Variants in MAPK8IP3 observed in about 807,000 individuals in gnomAD.
MAPK8IP3 encodes C-Jun-amino-terminal kinase-interacting protein 3.
A neutral mutation model predicts 157.8 loss-of-function variants in MAPK8IP3; 49 were observed. The observed-to-expected ratio is 0.31, with a 90% CI of 0.25 to 0.39. The LOEUF is 0.39. Ranked by LOEUF, MAPK8IP3 falls within the 10% of genes least tolerant of loss-of-function variation. MAPK8IP3 has a pLI of 1.00. For missense variants in MAPK8IP3, 1,478 were observed against 1,889.4 expected, an observed-to-expected ratio of 0.78 and a Z score of 4.04; for synonymous variants, 897 against 777.7, an observed-to-expected ratio of 1.15 and a Z score of -2.55.
rs1257646266 is a variant in MAPK8IP3 at position 1,741,652 on chromosome 16, CAG to C, written c.603-1679_603-1678del. ...GGGGCCAGGAGGCCCCTGGTGCAGA[CAG>C]GGCGGTTGAAGCCCAGCCTCCCACT... On this transcript the variant is annotated intron_variant, in intron 4 of 31. Transcript: ENST00000610761. This position sits in a 1 kb window ranked among gnomAD's most constrained non-coding sequence, Gnocchi z 6.9. 6.6e-6 allele frequency among the ~76,000 whole-genome samples: 1 copy of C among 152,102 alleles called. No homozygotes were observed. The highest frequency in any genetic ancestry group is 2.4e-5 in the African/African-American group (1 of 41,418).
At chr16:1,727,005 G>A (rs1270583078) in intron 2 of MAPK8IP3, among the ~76,000 whole-genome samples, 1 of 151,782 alleles carries the variant, frequency 6.6e-6, no homozygotes, top group Non-Finnish European at 1.5e-5. Flanking sequence ...CAGCGTCTGT[G>A]TGTCATGTGC....
At chr16:1,713,717 G>C (rs544393586) in intron 1 of MAPK8IP3, 1 of 152,222 alleles carries the variant, frequency 6.6e-6, no homozygotes, top group Non-Finnish European at 1.5e-5. Context: ...GAAACCGCTC[G>C]CACCTCAGGA....
chr16:1,737,308 CTG>C (rs748870800), intron 4 of MAPK8IP3, among the ~76,000 whole-genome samples: 18 of 75,776 alleles, frequency 2.4e-4, no homozygotes, highest in African/African-American at 7.0e-4. Flanking sequence ...ATGTGAGCAT[CTG>C]TGTGACCGTC....
chr16:1,730,843 A>AT (rs1449547068), intron 4 of MAPK8IP3, among the ~76,000 whole-genome samples: 1 of 149,260 alleles, frequency 6.7e-6, no homozygotes, highest in Non-Finnish European at 1.5e-5. Flanking sequence ...ACTCTGTCAA[A>AT]AAAAAAAAAA....
rs753952175 is a variant in MAPK8IP3 at position 1,766,073 on chromosome 16, A to C, written c.2560A>C (p.Thr854Pro). The part of the protein sequence containing the change: ...LAGITLVGCA[T>P]RCNVPRSNCS... Reference sequence around the variant, plus strand: ...CGGTATCACCCTGGTGGGCTGTGCCACCCGCTGCAACGTGCCGCGGAGCAA... The same window carrying C: ...CGGTATCACCCTGGTGGGCTGTGCCCCCCGCTGCAACGTGCCGCGGAGCAA... The change falls in exon 21 of 32, where the codon ACC (threonine) becomes CCC (proline). Residue 854 changes from threonine (T) to proline (P), a missense_variant. Around this residue, in one of 11 missense-constraint regions of MAPK8IP3, gnomAD observed 669 missense variants for 759.8 expected, o/e 0.88. Coordinates refer to ENST00000610761, the MANE Select transcript of MAPK8IP3 (RefSeq NM_001318852.2). The C allele has an allele frequency of 6.2e-7, 1 of 1,612,746 alleles. No homozygotes were observed. The highest frequency in any genetic ancestry group is 8.5e-7 in the Non-Finnish European group (1 of 1,179,938).
chr16:1,747,926 G>T (rs1186959654), intron 6 of MAPK8IP3, among the ~76,000 whole-genome samples: 1 of 152,254 alleles, frequency 6.6e-6, no homozygotes, highest in Non-Finnish European at 1.5e-5. Context: ...GGAAAGAGAA[G>T]AGGGGAATGA....
chr16:1,736,079 TGAGA>T (rs201011615), intron 4 of MAPK8IP3, among the ~76,000 whole-genome samples: 2 of 104,772 alleles, frequency 1.9e-5, no homozygotes, highest in Non-Finnish European at 3.7e-5. Context: ...ACCATCCGTG[TGAGA>T]GTGTGACCGT....
intron 1 of MAPK8IP3, among the ~76,000 whole-genome samples, chr16:1,723,255 G>A (rs921594428): frequency 2.6e-5 from 4 of 151,110 alleles, no homozygotes; most frequent in Non-Finnish European, 5.9e-5. Flanking sequence ...GGCTGGTCTC[G>A]AACTCCTGAG....
rs965813827 is a variant in MAPK8IP3, at chr16:1,743,745, C to G, written c.747+269C>G. 1 of 1,351,062 alleles carries G rather than the reference C, an allele frequency of 7.4e-7. No individual in the cohort carries two copies. The highest frequency in any genetic ancestry group is 9.5e-7 in the Non-Finnish European group (1 of 1,057,976). 83.7% of individuals were successfully genotyped at this position (1,351,062 alleles called of 1,614,324 possible). A position where few individuals can be genotyped will look rare whatever the true frequency, so the allele number is the denominator to read the frequency against. ...GACCTCCCTGCCCTTGGATAGACCG[C>G]TCTGTAGCCAGGGGTGTACAGTGCC... On this transcript the variant is annotated intron_variant, in intron 5 of 31. Transcript: ENST00000610761. This position sits in a 1 kb window ranked among gnomAD's most constrained non-coding sequence, Gnocchi z 5.6.
intron 9 of MAPK8IP3, 26 bp downstream of exon 9, chr16:1,758,185 CT>C (rs763070981): frequency 1.6e-4 from 260 of 1,613,178 alleles, no homozygotes; most frequent in Non-Finnish European, 2.2e-4. Context: ...TCCTGTCTGT[CT>C]CCCCTCTGTG....
In MAPK8IP3 at chr16:1,724,685, G is replaced by A. The variant is rs756116085; in HGVS notation, c.439+8G>A. On this transcript the variant is annotated splice_region_variant and intron_variant, in intron 2 of 31. Transcript: ENST00000610761. This position sits in a 1 kb window ranked among gnomAD's most constrained non-coding sequence, Gnocchi z 4.1. ...AGAACTATGCCGATCAGAGTAAGTG[G>A]CTGGCGGGAGCCTGGAGGCGCGCTT... 1.2e-6 allele frequency: 2 copies of A among 1,608,096 alleles called. No individual in the cohort carries two copies. The highest frequency in any genetic ancestry group is 2.2e-5 in the South Asian group (2 of 90,994).
chr16:1,731,788 C>T (rs999387895), intron 4 of MAPK8IP3, among the ~76,000 whole-genome samples: 42 of 152,288 alleles, frequency 2.8e-4, no homozygotes, highest in African/African-American at 9.9e-4. Flanking sequence ...ATCTTATACG[C>T]GTACCTGCAT....
At chr16:1,745,254 C>T (rs1233382150) in intron 5 of MAPK8IP3, 39 of 881,848 alleles carry the variant, frequency 4.4e-5, no homozygotes, top group Non-Finnish European at 4.9e-5. Context: ...AGGAAGGTGG[C>T]CCAGAAGCGT....
At chr16:1,727,560 G>A (rs1316225215) in intron 2 of MAPK8IP3, among the ~76,000 whole-genome samples, 5 of 151,904 alleles carry the variant, frequency 3.3e-5, no homozygotes, top group South Asian at 2.1e-4. Context: ...TGTCTAAGTC[G>A]TGTGTGTGAG....
chr16:1,749,144 C>G (rs1284542897), intron 8 of MAPK8IP3, among the ~76,000 whole-genome samples: 1 of 152,242 alleles, frequency 6.6e-6, no homozygotes, highest in Non-Finnish European at 1.5e-5. Flanking sequence ...TGAATCCACA[C>G]ATGCAGAACT....
chr16:1,764,604 G>A, intron 19 of MAPK8IP3, 145 bp downstream of exon 19: 3 of 1,189,808 alleles, frequency 2.5e-6, no homozygotes, highest in Non-Finnish European at 2.3e-6. Context: ...ACTGCGGGAA[G>A]CAGTGTCTTC....
intron 8 of MAPK8IP3, among the ~76,000 whole-genome samples, chr16:1,756,813 C>T (rs950415266): frequency 1.3e-5 from 2 of 151,988 alleles, no homozygotes; most frequent in Non-Finnish European, 2.9e-5. Flanking sequence ...CAGAGTGAGA[C>T]CCCGTCTCAA....
rs530962563 is a variant in MAPK8IP3 at position 1,729,039 on chromosome 16, G to A, written c.440-99G>A. 3.6e-5 allele frequency: 43 copies of A among 1,195,354 alleles called. No individual in the cohort carries two copies. The South Asian group carries it at 5.2e-4, about 14-fold the overall frequency. 74.0% of individuals were successfully genotyped at this position (1,195,354 alleles called of 1,614,324 possible). On this transcript the variant is annotated intron_variant, in intron 2 of 31. Transcript: ENST00000610761. Reference sequence around the variant, plus strand: ...GGTTGCCTCAGGACCCAGAGTCCCAGCCTTGTCCTGGAACCCCCTCCCTCT... The same window carrying A: ...GGTTGCCTCAGGACCCAGAGTCCCAACCTTGTCCTGGAACCCCCTCCCTCT...
In MAPK8IP3 at chr16:1,724,770, G is replaced by A; in HGVS notation, c.439+93G>A. On this transcript the variant is annotated intron_variant, in intron 2 of 31. Coordinates refer to ENST00000610761, the MANE Select transcript of MAPK8IP3 (RefSeq NM_001318852.2). This position sits in a 1 kb window ranked among gnomAD's most constrained non-coding sequence, Gnocchi z 4.1. ...TGGGCATGGAGCGCCTTCCACACAA[G>A]GGGACGAGAGGAAGCCCAGTGGGAG... is the stretch of plus-strand genomic sequence containing the variant. 1 of 1,512,116 alleles carries A rather than the reference G, an allele frequency of 6.6e-7. No individual in the cohort carries two copies. Among genetic ancestry groups the A allele is most frequent in the East Asian group, 2.3e-5 (1 of 43,568 alleles). 93.7% of individuals were successfully genotyped at this position (1,512,116 alleles called of 1,614,324 possible). A position where few individuals can be genotyped will look rare whatever the true frequency, so the allele number is the denominator to read the frequency against.
Sources: gnomAD v4.1 joint callset for allele counts (sites outside exome capture counted in the v4.1 genomes callset) on GRCh38, gnomAD v4.1.1 for gene constraint, gnomAD v4.1.1 regional missense constraint, Gnocchi (gnomAD v3.1) non-coding constraint, MANE v1.5 for transcripts, NCBI Gene and HGNC (gene_info 2026-07-23, HGNC 2026-07-21) for gene names.